NDUFA1: variants seen among roughly 807,000 people sequenced by gnomAD.
The protein encoded by NDUFA1 is NADH:ubiquinone oxidoreductase subunit A1.
For missense variants in NDUFA1, 42 were observed against 56.0 expected, an observed-to-expected ratio of 0.75 and a Z score of 0.80; for synonymous variants, 21 against 20.0, an observed-to-expected ratio of 1.05 and a Z score of -0.14.
intron 1 of NDUFA1, 106 bp downstream of exon 1, chrX:119,872,119 C>T (rs1205123826): frequency 2.5e-6 from 2 of 795,234 alleles, no homozygotes; most frequent in East Asian, 3.2e-5. Context: ...GGTCGGCCCT[C>T]TACTTGCTTC....
Position 119,871,885 on chromosome X carries a change from G to A in NDUFA1, c.-27G>A, listed in dbSNP as rs747859516. 2 of 1,196,769 alleles carry A rather than the reference G, an allele frequency of 1.7e-6. No individual in the cohort carries two copies. The highest frequency in any genetic ancestry group is 2.3e-6 in the Non-Finnish European group (2 of 881,960). The stretch of plus-strand genomic sequence containing the variant: ...TCACCTTTCAAGGACCCAGAAGTAG[G>A]GTTTTGGCCTAGGTAACGGGGCAGA... On this transcript the variant is annotated 5_prime_UTR_variant, in exon 1 of 3. Transcript: ENST00000371437.
At chrX:119,876,472 G>A in intron 2 of NDUFA1, 42 bp from the exon 3 acceptor site, 3 of 1,193,599 alleles carry the variant, frequency 2.5e-6, no homozygotes, top group Non-Finnish European at 3.4e-6. Flanking sequence ...ATCTTTGATG[G>A]GAACAGACTT....
intron 2 of NDUFA1, among the ~76,000 whole-genome samples, chrX:119,874,291 A>C (rs1010761949): frequency 9.3e-6 from 1 of 108,026 alleles, no homozygotes; most frequent in African/African-American, 3.4e-5. Context: ...AAAAAAAAAA[A>C]AAAAAAAAAC....
intron 2 of NDUFA1, among the ~76,000 whole-genome samples, chrX:119,875,348 G>A (rs61452780): frequency 0.056 from 4,625 of 83,095 alleles, 138 homozygotes; most frequent in Middle Eastern, 0.16. Flanking sequence ...TTTTTGAGAC[G>A]GAGTCTTGCT....
intron 2 of NDUFA1, among the ~76,000 whole-genome samples, chrX:119,875,317 C>CTTTTTTTTTTTTTTTTTTTTT (rs61235666): frequency 6.7e-5 from 4 of 59,621 alleles, no homozygotes; most frequent in African/African-American, 3.0e-4. Flanking sequence ...ACTGATGAGT[C>CTTTTTTTTTTTTTTTTTTTTT]TTTTTTTTTT....
At chrX:119,873,256 G>T in intron 1 of NDUFA1, 48 bp from the exon 2 acceptor site, 1 of 973,539 alleles carries the variant, frequency 1.0e-6, no homozygotes, top group Non-Finnish European at 1.5e-6. Flanking sequence ...CTATCAATTG[G>T]GTCACTCACT....
intron 2 of NDUFA1, among the ~76,000 whole-genome samples, chrX:119,873,621 C>T: frequency 9.2e-6 from 1 of 108,390 alleles, no homozygotes. Context: ...TTGCCTGTTC[C>T]ATTGTCTTTT....
intron 1 of NDUFA1, among the ~76,000 whole-genome samples, chrX:119,872,408 G>T (rs1217722863): frequency 9.1e-6 from 1 of 109,842 alleles, no homozygotes; most frequent in African/African-American, 3.3e-5. Flanking sequence ...ACCTGAGGTC[G>T]GGAGTTCGAT....
chrX:119,874,280 C>CAA (rs748783388), intron 2 of NDUFA1, among the ~76,000 whole-genome samples: 55 of 33,966 alleles, frequency 1.6e-3, no homozygotes, highest in African/African-American at 4.7e-3. Flanking sequence ...GAGCCTGTCT[C>CAA]AAAAAAAAAA....
At chrX:119,872,809 C>G (rs1396795846) in intron 1 of NDUFA1, among the ~76,000 whole-genome samples, 1 of 107,842 alleles carries the variant, frequency 9.3e-6, no homozygotes, top group African/African-American at 3.4e-5. Flanking sequence ...CGTGAGCCGC[C>G]GCGACCGGCC....
chrX:119,876,182 A>G (rs960536420), intron 2 of NDUFA1, among the ~76,000 whole-genome samples: 2 of 99,159 alleles, frequency 2.0e-5, no homozygotes, highest in African/African-American at 7.4e-5. Flanking sequence ...TCCAGCCTGC[A>G]TGACGGGAGT....
At chrX:119,875,124 A>G (rs2056431447) in intron 2 of NDUFA1, among the ~76,000 whole-genome samples, 1 of 110,770 alleles carries the variant, frequency 9.0e-6, no homozygotes, top group African/African-American at 3.3e-5. Flanking sequence ...ATCTGGAGCC[A>G]TATTTCTCAA....
chrX:119,874,083 G>C (rs1262838334), intron 2 of NDUFA1, among the ~76,000 whole-genome samples: 1 of 110,804 alleles, frequency 9.0e-6, no homozygotes, highest in Non-Finnish European at 1.9e-5. Context: ...GGAGTATAAT[G>C]TGAAAGGAGG....
intron 1 of NDUFA1, among the ~76,000 whole-genome samples, chrX:119,872,622 A>C (rs771459582): frequency 6.0e-4 from 66 of 110,013 alleles, no homozygotes; most frequent in African/African-American, 2.0e-3. Flanking sequence ...CGTCTCAAAA[A>C]AAAATAAATA....
chrX:119,875,559 C>T (rs112193782), intron 2 of NDUFA1, among the ~76,000 whole-genome samples: 1 of 110,091 alleles, frequency 9.1e-6, no homozygotes. Flanking sequence ...ATCCACCCAC[C>T]TCGGCCTCCC....
At position 119,874,156 on chromosome X, in the gene NDUFA1, T is replaced by C. The variant is rs754111557; in HGVS notation, c.192+763T>C. Among the ~76,000 whole-genome samples, 4 of 109,608 alleles carry C rather than the reference T, an allele frequency of 3.6e-5. No individual in the cohort carries two copies. The South Asian group carries it at 1.2e-3, about 32-fold the overall frequency. ...GCAATTACCCATTTATAGAAGAGTT[T>C]AGTAGTCCTAGCTACTCAGAAGGCT... On this transcript the variant is annotated intron_variant, in intron 2 of 2. Transcript: ENST00000371437.
chrX:119,876,171 C>G (rs2056436285), intron 2 of NDUFA1, among the ~76,000 whole-genome samples: 1 of 103,299 alleles, frequency 9.7e-6, no homozygotes, highest in African/African-American at 3.6e-5. Context: ...CATCACTGCA[C>G]TCCAGCCTGC....
At chrX:119,872,685 C>CT (rs11421024) in intron 1 of NDUFA1, among the ~76,000 whole-genome samples, 9,323 of 94,242 alleles carry the variant, frequency 0.099, 702 homozygotes, top group African/African-American at 0.23. Flanking sequence ...CCACGCCTGG[C>CT]TTTTTTTTTT....
intron 2 of NDUFA1, among the ~76,000 whole-genome samples, chrX:119,873,821 C>T (rs2056426120): frequency 9.0e-6 from 1 of 110,589 alleles, no homozygotes; most frequent in African/African-American, 3.3e-5. Context: ...GTCTCCCGTA[C>T]AAAGGCCTTT....
Sources: allele counts gnomAD v4.1 joint callset (sites outside exome capture counted in the v4.1 genomes callset), GRCh38; gene constraint gnomAD v4.1.1; transcripts MANE v1.5; gene names NCBI Gene and HGNC (gene_info 2026-07-23, HGNC 2026-07-21).